TEPSIN: variants seen among roughly 807,000 people sequenced by gnomAD.
TEPSIN encodes the protein TEPSIN adaptor related protein complex 4 accessory protein, also known as AP-4 complex accessory subunit tepsin.
A neutral mutation model predicts 48.5 loss-of-function variants in TEPSIN; 50 were observed. The observed-to-expected ratio is 1.03, with a 90% CI of 0.82 to 1.31. The LOEUF (loss-of-function observed/expected upper bound fraction) is 1.31, where lower values mean the gene tolerates loss of function less well. Ranked by LOEUF, TEPSIN falls within the 50% of genes most tolerant of loss-of-function variation. The pLI, the probability that TEPSIN is intolerant of heterozygous loss-of-function variation, is 0.00. For synonymous variants in TEPSIN, 392 were observed against 358.8 expected, an observed-to-expected ratio of 1.09 and a Z score of -1.05; for missense variants, 838 against 815.9, an observed-to-expected ratio of 1.03 and a Z score of -0.33.
chr17:81,234,179 G>T lies in TEPSIN; in HGVS notation c.308-131C>A. 1.4e-6 allele frequency: 1 copy of T among 718,600 alleles called. No individual in the cohort carries two copies. The highest frequency in any genetic ancestry group is 2.2e-6 in the Non-Finnish European group (1 of 455,264). The allele number at this position is 718,600 out of a possible 1,614,324, so 44.5% of individuals were successfully genotyped here. Reference sequence around the variant, plus strand: ...CCAAGGCCCTTCTGTCACAGCCAATGGGATGCCCTCCTCCAGGACCCTGCA... The same window carrying T: ...CCAAGGCCCTTCTGTCACAGCCAATTGGATGCCCTCCTCCAGGACCCTGCA... On this transcript the variant is annotated intron_variant, in intron 4 of 12. Coordinates refer to ENST00000637944, the MANE Select transcript of TEPSIN (RefSeq NM_001363764.2). This position sits in a 1 kb window ranked among gnomAD's most constrained non-coding sequence, Gnocchi z 5.4.
chr17:81,236,417 G>A (rs769489908), intron 4 of TEPSIN, among the ~76,000 whole-genome samples: 17 of 152,204 alleles, frequency 1.1e-4, no homozygotes, highest in Non-Finnish European at 1.5e-4. Flanking sequence ...GGCAGCAAGC[G>A]CAGGGACAGA....
Position 81,231,823 on chromosome 17 carries a change from A to G in TEPSIN, c.905+24T>C, listed in dbSNP as rs112826071. On this transcript the variant is annotated intron_variant, in intron 9 of 12. Coordinates refer to ENST00000637944, the MANE Select transcript of TEPSIN (RefSeq NM_001363764.2). ...GTGTGGTGCCTCCGAGACCTCTCCC[A>G]CATATCTGGCAGCTCCCGCTCACCT... 2.3e-3 allele frequency: 3,768 copies of G among 1,611,242 alleles called. 89 individuals are homozygous for G. The African/African-American group carries it at 0.044, about 19-fold the overall frequency.
In TEPSIN at chr17:81,230,474, C is replaced by T. The variant is rs921214817; in HGVS notation, c.1233+70G>A. 2.3e-5 allele frequency: 36 copies of T among 1,576,116 alleles called. No homozygotes were observed. Among genetic ancestry groups the T allele is most frequent in the Admixed American group, 2.2e-4 (13 of 57,980 alleles). ...AGGCGCCGGGCAGGGACGGGGTGGC[C>T]GTGGACTGCAGCGTATCTCCCACTG... On this transcript the variant is annotated intron_variant, in intron 12 of 12. Transcript: ENST00000637944. The surrounding 1 kb of genome is among the most constrained non-coding windows in gnomAD (Gnocchi z 4.2).
rs1165599018 is a variant in TEPSIN, at chr17:81,232,421, C to A, written c.624G>T (p.Arg208Ser). The part of the protein sequence containing the change: ...RPGPESPSTR[R>S]LLPRGDTYQP... ...GGTAGGTGTCACCCCGCGGCAGGAG[C>A]CTCCGGGTACTGGGACTCTCGGGCC... Residue 208 changes from arginine to serine, a missense_variant, in exon 8 of 13, where the codon AGG becomes AGT. Transcript: ENST00000637944. 4 of 1,535,822 alleles carry A rather than the reference C, an allele frequency of 2.6e-6. No individual in the cohort carries two copies. Among genetic ancestry groups the A allele is most frequent in the Non-Finnish European group, 3.5e-6 (4 of 1,146,722 alleles).
At position 81,231,833 on chromosome 17, in the gene TEPSIN, C is replaced by A. The variant is rs1282004464; in HGVS notation, c.905+14G>T. On this transcript the variant is annotated intron_variant, in intron 9 of 12. Coordinates refer to ENST00000637944, the MANE Select transcript of TEPSIN (RefSeq NM_001363764.2). ...TCCGAGACCTCTCCCACATATCTGGCAGCTCCCGCTCACCTTTCTGCCAGG... is the reference window on the plus strand; with the variant it reads ...TCCGAGACCTCTCCCACATATCTGGAAGCTCCCGCTCACCTTTCTGCCAGG... 1 of 1,611,740 alleles carries A rather than the reference C, an allele frequency of 6.2e-7. No individual in the cohort carries two copies. Among genetic ancestry groups the A allele is most frequent in the East Asian group, 2.2e-5 (1 of 44,860 alleles).
At chr17:81,237,115 G>A (rs1255266123) in intron 2 of TEPSIN, 44 bp from the exon 3 acceptor site, 1 of 1,533,742 alleles carries the variant, frequency 6.5e-7, no homozygotes. Context: ...GATGAGGGCT[G>A]CGCCAGGCCG....
In TEPSIN at chr17:81,234,336, G is replaced by A. The variant is rs908464821; in HGVS notation, c.308-288C>T. 1.6e-5 allele frequency: 5 copies of A among 319,410 alleles called. No homozygotes were observed. Among genetic ancestry groups the A allele is most frequent in the Admixed American group, 1.0e-4 (2 of 20,090 alleles). 19.8% of individuals were successfully genotyped at this position (319,410 alleles called of 1,614,324 possible). A position where few individuals can be genotyped will look rare whatever the true frequency, so the allele number is the denominator to read the frequency against. The stretch of plus-strand genomic sequence containing the variant: ...GTGCCTGAGCGGGTGTGGCCTCCCC[G>A]AAGCCCACTCTCCCTGCCCCAGGTG... On this transcript the variant is annotated intron_variant, in intron 4 of 12. Coordinates refer to ENST00000637944, the MANE Select transcript of TEPSIN (RefSeq NM_001363764.2). The surrounding 1 kb of genome is among the most constrained non-coding windows in gnomAD (Gnocchi z 5.4).
At chr17:81,236,616 T>C in intron 4 of TEPSIN, 92 bp downstream of exon 4, 1 of 1,324,484 alleles carries the variant, frequency 7.6e-7, no homozygotes, top group South Asian at 1.3e-5. Context: ...GGGCTCTGGC[T>C]GAAGTCTTCC....
chr17:81,233,924 C>A lies in TEPSIN; in HGVS notation c.375+57G>T. ...CCCCAGCTGACATCCTGGCCCCAAT[C>A]CCACCCCTCTACAGGAGGAGGGGCA... is the stretch of plus-strand genomic sequence containing the variant. On this transcript the variant is annotated intron_variant, in intron 5 of 12. Transcript: ENST00000637944. The surrounding 1 kb of genome is among the most constrained non-coding windows in gnomAD (Gnocchi z 5.8). 1 of 1,545,460 alleles carries A rather than the reference C, an allele frequency of 6.5e-7. No homozygotes were observed. The highest frequency in any genetic ancestry group is 8.7e-7 in the Non-Finnish European group (1 of 1,148,520).
In TEPSIN at chr17:81,231,947, A is replaced by T. The variant is rs201738910; in HGVS notation, c.805T>A (p.Ser269Thr). 4.3e-6 allele frequency: 7 copies of T among 1,613,406 alleles called. No homozygotes were observed. The highest frequency in any genetic ancestry group is 3.3e-5 in the Admixed American group (2 of 60,016). The change falls in exon 9 of 13, where the codon TCC becomes ACC. Residue 269 changes from serine to threonine, a missense_variant. Ser to Thr is a moderately conservative substitution (Grantham distance 58). Coordinates refer to ENST00000637944, the MANE Select transcript of TEPSIN (RefSeq NM_001363764.2). ...LDSGPSSQNSSQNSDLSRVSD... is the reference protein window; with the variant it reads ...LDSGPSSQNSTQNSDLSRVSD... ...ACCCTGCTCAGGTCGCTGTTCTGGG[A>T]GGAATTCTGAGAGCTGGGGCCGCTG... is the stretch of plus-strand genomic sequence containing the variant.
At position 81,230,327 on chromosome 17, in the gene TEPSIN, GTGAGTGC is replaced by G. The variant is rs72268262; in HGVS notation, c.1233+210_1233+216del. 261,554 of 613,376 alleles carry G rather than the reference GTGAGTGC, an allele frequency of 0.43. 57,336 individuals carry two copies. The highest frequency in any genetic ancestry group is 0.48 in the Non-Finnish European group (171,544 of 357,734). 38.0% of individuals were successfully genotyped at this position (613,376 alleles called of 1,614,324 possible). On this transcript the variant is annotated intron_variant, in intron 12 of 12. Transcript: ENST00000637944. The surrounding 1 kb of genome is among the most constrained non-coding windows in gnomAD (Gnocchi z 4.2). ...AGGAATAGGTAGAGGCCAGTGTACT[GTGAGTGC>G]TGCAGAGTTTGGGTGGAAGGCGGGA...
chr17:81,231,334 C>T (rs113821018), intron 11 of TEPSIN, 64 bp downstream of exon 11: 16 of 1,375,234 alleles, frequency 1.2e-5, no homozygotes, highest in African/African-American at 4.5e-5. Flanking sequence ...CACACGCACA[C>T]GCACACACAC....
intron 9 of TEPSIN, 57 bp downstream of exon 9, chr17:81,231,790 G>C (rs967426772): frequency 5.0e-6 from 8 of 1,606,514 alleles, no homozygotes; most frequent in Non-Finnish European, 6.8e-6. Flanking sequence ...CGCGCTGGGA[G>C]GGGGACAGTG....
Position 81,233,847 on chromosome 17 carries a change from G to T in TEPSIN, c.376-131C>A. 1.5e-6 allele frequency: 2 copies of T among 1,366,630 alleles called. No homozygotes were observed. The highest frequency in any genetic ancestry group is 2.0e-6 in the Non-Finnish European group (2 of 1,013,396). The allele number at this position is 1,366,630 out of a possible 1,614,324, so 84.7% of individuals were successfully genotyped here. On this transcript the variant is annotated intron_variant, in intron 5 of 12. Coordinates refer to ENST00000637944, the MANE Select transcript of TEPSIN (RefSeq NM_001363764.2). The surrounding 1 kb of genome is among the most constrained non-coding windows in gnomAD (Gnocchi z 5.8). ...CCACTCAGCTGGACACAGGCTCTGT[G>T]TCCACCAGCAAGGAGCAGAGGCAGG...
At chr17:81,232,730 C>G in intron 7 of TEPSIN, 1 of 561,902 alleles carries the variant, frequency 1.8e-6, no homozygotes, top group Non-Finnish European at 3.1e-6. Flanking sequence ...GGCCTGGACA[C>G]CAAAGCTCAC....
In TEPSIN at chr17:81,228,962, G is replaced by A; in HGVS notation, c.1748C>T (p.Ser583Leu). 1 of 1,613,796 alleles carries A rather than the reference G, an allele frequency of 6.2e-7. No homozygotes were observed. The highest frequency in any genetic ancestry group is 1.1e-5 in the South Asian group (1 of 91,082). Reference protein sequence around the residue: ...QRTAAKEPPGSEPSAFAFLNA With the variant: ...QRTAAKEPPGLEPSAFAFLNA ...CAGGAACGCGAAAGCTGACGGCTCT[G>A]AGCCAGGAGGCTCTTTGGCTGCTGT... The change falls in exon 13 of 13, where the codon TCA becomes TTA. Residue 583 changes from serine (S) to leucine (L), a missense_variant. Transcript: ENST00000637944.
rs567004816 is a variant in TEPSIN, at chr17:81,232,216, T to C, written c.730+99A>G. On this transcript the variant is annotated intron_variant, in intron 8 of 12. Coordinates refer to ENST00000637944, the MANE Select transcript of TEPSIN (RefSeq NM_001363764.2). The stretch of plus-strand genomic sequence containing the variant: ...GCCGCGGGTCCCACCCCTCCTGCTG[T>C]GTGGGAGGCCCTGGGATTTGCCTCC... The C allele has an allele frequency of 3.7e-6, 5 of 1,347,196 alleles. No individual in the cohort carries two copies. In the East Asian group the frequency reaches 1.0e-4, roughly 27 times the overall value. The allele number at this position is 1,347,196 out of a possible 1,614,324, so 83.5% of individuals were successfully genotyped here.
At chr17:81,231,071 A>G in intron 11 of TEPSIN, 1 of 506,644 alleles carries the variant, frequency 2.0e-6, no homozygotes. Flanking sequence ...CCACACTTTC[A>G]TGTGCATGCA....
chr17:81,237,579 G>C (rs1447687210), intron 1 of TEPSIN, 120 bp from the exon 2 acceptor site: 2 of 1,048,862 alleles, frequency 1.9e-6, no homozygotes, highest in Non-Finnish European at 2.7e-6. Context: ...CCGGAGAGAG[G>C]ACTGGGAAGG....
Sources: gnomAD v4.1 joint callset for allele counts (sites outside exome capture counted in the v4.1 genomes callset) on GRCh38, gnomAD v4.1.1 for gene constraint, Gnocchi (gnomAD v3.1) non-coding constraint, MANE v1.5 for transcripts, NCBI Gene and HGNC (gene_info 2026-07-23, HGNC 2026-07-21) for gene names.